PDE11A: variants seen among roughly 807,000 people sequenced by gnomAD.
PDE11A encodes the protein dual 3',5'-cyclic-AMP and -GMP phosphodiesterase 11A.
A neutral mutation model predicts 100.5 loss-of-function variants in PDE11A; 100 were observed. The observed-to-expected ratio is 1.00, with a 90% CI of 0.85 to 1.18. PDE11A has a LOEUF of 1.18. PDE11A is among the 50% of genes most tolerant of loss of function. The probability of loss-of-function intolerance (pLI) is 0.00; values close to 1 mark genes in which losing one functional copy is unlikely to be tolerated. For missense variants in PDE11A, 1,141 were observed against 1,152.6 expected (o/e 0.99, Z 0.15); for synonymous variants, 381 against 420.8 (o/e 0.91, Z 1.16).
upstream of PDE11A, chr2:178,072,876 G>T: frequency 8.8e-7 from 1 of 1,136,144 alleles, no homozygotes; most frequent in Non-Finnish European, 1.1e-6. Flanking sequence ...AGCCGCGGAC[G>T]CCAGACCAGC....
rs570179722 is a variant in PDE11A, at chr2:177,938,607, G to GACCCACCATAATTC, written c.1072-33434_1072-33421dup. Among the ~76,000 whole-genome samples, 288 of 152,240 alleles carry GACCCACCATAATTC rather than the reference G, an allele frequency of 1.9e-3. 1 individual carries two copies. The highest frequency in any genetic ancestry group is 6.4e-3 in the African/African-American group (264 of 41,550). ...GAAAATAAGACCACCAGATAGCCTA[G>GACCCACCATAATTC]ACCCACCATAATTCACCCACCTGTG... On this transcript the variant is annotated intron_variant, in intron 2 of 19. Transcript: ENST00000286063.
intron 9 of PDE11A, among the ~76,000 whole-genome samples, chr2:177,775,641 A>G (rs2105510446): frequency 6.6e-6 from 1 of 152,040 alleles, no homozygotes; most frequent in East Asian, 1.9e-4. Context: ...ACTTGGCCAC[A>G]CTCATTTTTG....
chr2:177,880,103 G>A lies in PDE11A; in HGVS notation c.1303-4180C>T, dbSNP rs1293650528. ...GTCAGACACTGTATTCATGAACCAC[G>A]ATTGACCTTGTATGTAGGAAAGAAC... On this transcript the variant is annotated intron_variant, in intron 4 of 19. Coordinates refer to ENST00000286063, the MANE Select transcript of PDE11A (RefSeq NM_016953.4). Among the ~76,000 whole-genome samples the A allele has an allele frequency of 2.0e-5, 3 of 152,170 alleles. No homozygotes were observed. In the East Asian group the frequency reaches 5.8e-4, roughly 29 times the overall value.
At chr2:177,866,338 C>A (rs955777520) in intron 5 of PDE11A, among the ~76,000 whole-genome samples, 1 of 152,216 alleles carries the variant, frequency 6.6e-6, no homozygotes, top group African/African-American at 2.4e-5. Context: ...CTCCAACTGG[C>A]AAATTCTGCT....
At chr2:177,799,024 G>A (rs10930808) in intron 9 of PDE11A, among the ~76,000 whole-genome samples, 3,131 of 152,304 alleles carry the variant, frequency 0.021, 120 homozygotes, top group African/African-American at 0.072. Flanking sequence ...TTGATATGAT[G>A]TGATTAAAAT....
chr2:177,816,957 G>T, intron 8 of PDE11A, 36 bp from the exon 9 acceptor site: 1 of 1,255,566 alleles, frequency 8.0e-7, no homozygotes, highest in Non-Finnish European at 1.2e-6. Flanking sequence ...AAACATTGCA[G>T]CAACTCATTG....
At chr2:178,096,436 G>T (rs1236600509) in intron 2 of PDE11A, among the ~76,000 whole-genome samples, 1 of 151,572 alleles carries the variant, frequency 6.6e-6, no homozygotes. Context: ...GCCTCCCAAA[G>T]TGCTGGGATT....
chr2:178,033,196 GGA>G (rs1559048659), intron 1 of PDE11A, among the ~76,000 whole-genome samples: 1 of 152,130 alleles, frequency 6.6e-6, no homozygotes, highest in Non-Finnish European at 1.5e-5. Context: ...AGTTTAGAGA[GGA>G]ACATAAATGA....
intron 9 of PDE11A, among the ~76,000 whole-genome samples, chr2:177,775,278 T>C (rs1241509426): frequency 6.6e-6 from 1 of 152,204 alleles, no homozygotes; most frequent in African/African-American, 2.4e-5. Flanking sequence ...AGGAAACTAA[T>C]ATACCACACA....
intron 9 of PDE11A, among the ~76,000 whole-genome samples, chr2:177,816,214 A>C (rs535754287): frequency 6.6e-6 from 1 of 152,150 alleles, no homozygotes; most frequent in Non-Finnish European, 1.5e-5. Context: ...CAAAAACAAA[A>C]CAAAAAAAAC....
At position 177,915,188 on chromosome 2, in the gene PDE11A, C is replaced by T. The variant is rs12612509; in HGVS notation, c.1072-10001G>A. Among the ~76,000 whole-genome samples, 262 of 152,224 alleles carry T rather than the reference C, an allele frequency of 1.7e-3. 6 individuals are homozygous for T. In the East Asian group the frequency reaches 0.047, roughly 27 times the overall value. ...TTTGTTACAACTGATGAGTCAATAC[C>T]GACACATTATTAACTAAAGTCTAGT... On this transcript the variant is annotated intron_variant, in intron 2 of 19. Coordinates refer to ENST00000286063, the MANE Select transcript of PDE11A (RefSeq NM_016953.4).
At chr2:177,997,216 C>A in intron 2 of PDE11A, 1 of 1,299,358 alleles carries the variant, frequency 7.7e-7, no homozygotes, top group South Asian at 1.2e-5. Flanking sequence ...TCCACGACTA[C>A]GATTTCTTCG....
intron 6 of PDE11A, among the ~76,000 whole-genome samples, chr2:177,839,656 CTCTTCAGACTTCAGCTGGACAA>C (rs1432615501): frequency 6.6e-6 from 1 of 152,160 alleles, no homozygotes; most frequent in African/African-American, 2.4e-5. Flanking sequence ...ATGCCTCCTA[CTCTTCAGACTTCAGCTGGACAA>C]TCTTCAATAG....
intron 2 of PDE11A, among the ~76,000 whole-genome samples, chr2:177,910,477 C>A (rs1289724864): frequency 1.3e-5 from 2 of 150,816 alleles, no homozygotes; most frequent in Non-Finnish European, 3.0e-5. Flanking sequence ...TTGCTCTATT[C>A]TGCTATTCTG....
chr2:178,055,240 C>T (rs189265459), intron 1 of PDE11A, among the ~76,000 whole-genome samples: 145 of 151,876 alleles, frequency 9.5e-4, no homozygotes, highest in East Asian at 3.7e-3. Flanking sequence ...AGCAAACTAT[C>T]GCAAGGACAG....
At chr2:177,816,167 C>T (rs1398211661) in intron 9 of PDE11A, among the ~76,000 whole-genome samples, 1 of 151,946 alleles carries the variant, frequency 6.6e-6, no homozygotes, top group Non-Finnish European at 1.5e-5. Context: ...GCCGAGATGG[C>T]ACCACTGTAC....
rs567445451 is a variant in PDE11A, at chr2:177,918,089, T to C, written c.1072-12902A>G. 3.9e-5 allele frequency among the ~76,000 whole-genome samples: 6 copies of C among 152,330 alleles called. No homozygotes were observed. The South Asian group carries it at 1.2e-3, about 32-fold the overall frequency. On this transcript the variant is annotated intron_variant, in intron 2 of 19. Transcript: ENST00000286063. ...GATAGCCTTGAAGACAAAAAGAGCT[T>C]TAAAGTTTGGCCTAACAACAAACAA...
chr2:177,898,330 A>G (rs2084644101), intron 3 of PDE11A, 132 bp from the exon 4 acceptor site: 2 of 669,440 alleles, frequency 3.0e-6, no homozygotes, highest in Non-Finnish European at 2.6e-6. Flanking sequence ...AAAAAATTTT[A>G]TGATTGTTTT....
At chr2:178,022,933 G>C (rs909385185) in intron 1 of PDE11A, among the ~76,000 whole-genome samples, 1 of 152,162 alleles carries the variant, frequency 6.6e-6, no homozygotes, top group Non-Finnish European at 1.5e-5. Context: ...GATATTTTAA[G>C]TACAACTGCT....
Sources: gnomAD v4.1 joint callset for allele counts (sites outside exome capture counted in the v4.1 genomes callset) on GRCh38, gnomAD v4.1.1 for gene constraint, MANE v1.5 for transcripts, NCBI Gene and HGNC (gene_info 2026-07-23, HGNC 2026-07-21) for gene names.